RTN4: variants seen among roughly 807,000 people sequenced by gnomAD.
RTN4 encodes reticulon 4, also known as reticulon-4.
RTN4 carries 32 observed loss-of-function variants against 90.4 expected under a neutral mutation model. The ratio of observed to expected loss-of-function variants is 0.35; its 90% CI spans 0.27 to 0.48. RTN4 has a LOEUF of 0.48. Among genes scored for constraint, RTN4 ranks in the 20% least tolerant of loss-of-function variants. The pLI is 0.99. For missense variants in RTN4, 1,706 were observed against 1,430.2 expected (o/e 1.19, Z -3.11); for synonymous variants, 629 against 552.5 (o/e 1.14, Z -1.94).
At chr2:55,025,016 A>G in intron 3 of RTN4, 70 bp downstream of exon 3, 3 of 1,501,896 alleles carry the variant, frequency 2.0e-6, no homozygotes, top group Non-Finnish European at 2.7e-6. Context: ...ATAAAACACA[A>G]AATGTAGTGG....
In RTN4 at chr2:54,975,451, GGGA is replaced by G. The variant is rs371935131; in HGVS notation, c.3361-690_3361-688del. Among the ~76,000 whole-genome samples the G allele has an allele frequency of 5.3e-3, 802 of 152,294 alleles. 3 individuals carry two copies. Among genetic ancestry groups the G allele is most frequent in the Non-Finnish European group, 7.4e-3 (502 of 68,026 alleles). ...CTTATGTAACACTATAAATGAAAAG[GGGA>G]GTAGTAGAGCACCCCCATTATCTAA... On this transcript the variant is annotated intron_variant, in intron 5 of 8. Coordinates refer to ENST00000337526, the MANE Select transcript of RTN4 (RefSeq NM_020532.5).
chr2:55,066,169 TTGTGTGTGTGTGTGTG>T (rs71410416), intron 2 of RTN4, among the ~76,000 whole-genome samples: 2 of 142,278 alleles, frequency 1.4e-5, no homozygotes, highest in Admixed American at 7.0e-5. Context: ...ATGAACCCAT[TTGTGTGTGTGTGTGTG>T]TGTGTGTTTG....
At position 54,987,500 on chromosome 2, in the gene RTN4, T is replaced by A; in HGVS notation, c.3212A>T (p.His1071Leu). The stretch of plus-strand genomic sequence containing the variant: ...TTTCCAGACATCTCACCTGAATGGG[T>A]GGCCTTCATCTGATTTCTGGATAGC... The part of the protein sequence containing the change: ...IQAIQKSDEG[H>L]PFRAYLESEV... The change falls in exon 4 of 9, where the codon CAC (histidine) becomes CTC (leucine). Residue 1071 changes from histidine (H) to leucine (L), a missense_variant. Coordinates refer to ENST00000337526, the MANE Select transcript of RTN4 (RefSeq NM_020532.5). 6.2e-7 allele frequency: 1 copy of A among 1,612,242 alleles called. No homozygotes were observed. The highest frequency in any genetic ancestry group is 8.5e-7 in the Non-Finnish European group (1 of 1,178,212).
At chr2:55,114,241 C>A (rs1305445182), upstream of RTN4, among the ~76,000 whole-genome samples, 1 of 152,070 alleles carries the variant, frequency 6.6e-6, no homozygotes, top group Non-Finnish European at 1.5e-5. Flanking sequence ...CCATTTGCAC[C>A]AAGTGTTGGT....
upstream of RTN4, chr2:55,050,562 T>G: frequency 6.5e-6 from 2 of 308,460 alleles, no homozygotes. This position sits in a 1 kb window ranked among gnomAD's most constrained non-coding sequence, Gnocchi z 4.6. Flanking sequence ...CCGCCCAGTT[T>G]GGCGTGACTC....
chr2:55,125,637 A>G, the RTN4 span, among the ~76,000 whole-genome samples: 2 of 152,166 alleles, frequency 1.3e-5, no homozygotes, highest in African/African-American at 4.8e-5. Context: ...ACGGTGGCAC[A>G]TGCCTGTAAT....
intron 1 of RTN4, among the ~76,000 whole-genome samples, chr2:55,037,211 G>A (rs1278068686): frequency 6.6e-6 from 1 of 152,174 alleles, no homozygotes; most frequent in Admixed American, 6.5e-5. Flanking sequence ...GAAACACACT[G>A]CTGAGAGAAA....
chr2:55,087,738 C>T (rs573747701), intron 1 of RTN4, among the ~76,000 whole-genome samples: 3 of 152,014 alleles, frequency 2.0e-5, no homozygotes, highest in South Asian at 2.1e-4. Context: ...TTCAGCTATA[C>T]TAGATATTGG....
chr2:54,975,281 A>AT (rs535846028), intron 5 of RTN4, among the ~76,000 whole-genome samples: 10 of 152,230 alleles, frequency 6.6e-5, no homozygotes, highest in Non-Finnish European at 1.0e-4. Flanking sequence ...ATCAGGCACA[A>AT]AGTCAGTCTG....
At chr2:55,012,626 T>C (rs1027565736) in intron 3 of RTN4, among the ~76,000 whole-genome samples, 2 of 152,166 alleles carry the variant, frequency 1.3e-5, no homozygotes, top group African/African-American at 4.8e-5. Context: ...CTTTAGGACA[T>C]TGCCTGACAA....
intron 2 of RTN4, among the ~76,000 whole-genome samples, chr2:55,077,358 T>C (rs1334586271): frequency 1.3e-5 from 2 of 152,056 alleles, no homozygotes; most frequent in Non-Finnish European, 2.9e-5. Flanking sequence ...AATATACTAC[T>C]TATCAGGAAA....
chr2:55,008,223 C>T (rs1439181379), intron 3 of RTN4, among the ~76,000 whole-genome samples: 3 of 151,436 alleles, frequency 2.0e-5, no homozygotes, highest in Middle Eastern at 3.4e-3. Context: ...AAATCTGTCA[C>T]TATGCTATAC....
intron 4 of RTN4, among the ~76,000 whole-genome samples, chr2:54,985,395 A>G (rs1333849503): frequency 1.3e-5 from 2 of 151,918 alleles, no homozygotes; most frequent in African/African-American, 2.4e-5. Flanking sequence ...CCTGGCTTCA[A>G]GCAATCCTCC....
chr2:55,018,129 C>T (rs570778201), intron 3 of RTN4, among the ~76,000 whole-genome samples: 82 of 152,262 alleles, frequency 5.4e-4, no homozygotes, highest in Admixed American at 9.2e-4. Context: ...CATCCTTAGG[C>T]TTAGATTTTA....
chr2:55,105,870 C>T (rs958768370), intron 1 of RTN4, among the ~76,000 whole-genome samples: 1 of 152,068 alleles, frequency 6.6e-6, no homozygotes, highest in Non-Finnish European at 1.5e-5. Flanking sequence ...GTCCTAACTA[C>T]TCTGGAGGCT....
rs145638624 is a variant in RTN4, at chr2:55,036,882, A to G, written c.557-8662T>C. On this transcript the variant is annotated intron_variant, in intron 1 of 8. Transcript: ENST00000337526. The stretch of plus-strand genomic sequence containing the variant: ...TGAAAGACTAATGCATTCACTCAAG[A>G]TTCTGTGTTAAACAAGCAATCTACC... Among the ~76,000 whole-genome samples the G allele has an allele frequency of 4.9e-3, 748 of 152,292 alleles. 3 individuals are homozygous for G. The highest frequency in any genetic ancestry group is 0.014 in the African/African-American group (586 of 41,548).
intron 1 of RTN4, among the ~76,000 whole-genome samples, chr2:55,031,039 T>C (rs1289398194): frequency 6.6e-6 from 1 of 152,300 alleles, no homozygotes; most frequent in East Asian, 1.9e-4. Flanking sequence ...TAGGTACTAC[T>C]GTTACCCCCA....
intron 3 of RTN4, among the ~76,000 whole-genome samples, chr2:55,022,896 A>AACACACACACACAC (rs150779063): frequency 0.042 from 5,710 of 137,316 alleles, 158 homozygotes; most frequent in Non-Finnish European, 0.054. Context: ...TTCAACATCC[A>AACACACACACACAC]ACACACACAC....
At chr2:55,024,626 ATACC>A (rs1358295609) in intron 3 of RTN4, among the ~76,000 whole-genome samples, 2 of 152,178 alleles carry the variant, frequency 1.3e-5, no homozygotes, top group Non-Finnish European at 2.9e-5. Flanking sequence ...GCCTAACTTT[ATACC>A]TACCACTGGA....
Sources: gnomAD v4.1 joint callset for allele counts (sites outside exome capture counted in the v4.1 genomes callset) on GRCh38, gnomAD v4.1.1 for gene constraint, Gnocchi (gnomAD v3.1) non-coding constraint, MANE v1.5 for transcripts, NCBI Gene and HGNC (gene_info 2026-07-23, HGNC 2026-07-21) for gene names.